Variants in CSMD1 observed in about 807,000 individuals in gnomAD.
CSMD1 encodes CUB and sushi domain-containing protein 1.
CSMD1 carries 213 observed loss-of-function variants against 417.5 expected under a neutral mutation model. The observed-to-expected ratio is 0.51, with a 90% confidence interval of 0.46 to 0.57. The LOEUF is 0.57. Ranked by LOEUF, CSMD1 falls within the 20% of genes least tolerant of loss-of-function variation. The pLI is 0.00. For missense variants in CSMD1, 6,923 were observed against 4,529.7 expected, an observed-to-expected ratio of 1.53 and a Z score of -15.17; for synonymous variants, 2,862 against 1,736.8, an observed-to-expected ratio of 1.65 and a Z score of -16.11.
At chr8:3,680,459 C>T (rs537106958) in intron 7 of CSMD1, among the ~76,000 whole-genome samples, 1 of 152,162 alleles carries the variant, frequency 6.6e-6, no homozygotes, top group South Asian at 2.1e-4. Context: ...AATTCCTTGA[C>T]ACATACACCC....
At chr8:4,236,026 GTTTTTTTTGTTTGTTTTT>G (rs1802027001) in intron 3 of CSMD1, among the ~76,000 whole-genome samples, 1 of 108,086 alleles carries the variant, frequency 9.3e-6, no homozygotes, top group Admixed American at 1.1e-4. Context: ...AATGGATATT[GTTTTTTTTGTTTGTTTTT>G]TTTTTTTTTT....
intron 3 of CSMD1, among the ~76,000 whole-genome samples, chr8:4,225,779 TCAGAG>T (rs1302633956): frequency 2.0e-5 from 3 of 152,176 alleles, no homozygotes; most frequent in African/African-American, 7.2e-5. Flanking sequence ...TCAAATCTAT[TCAGAG>T]TGAAATTAAT....
At chr8:4,189,857 T>G (rs1010258230) in intron 3 of CSMD1, among the ~76,000 whole-genome samples, 1 of 152,302 alleles carries the variant, frequency 6.6e-6, no homozygotes, top group Non-Finnish European at 1.5e-5. Flanking sequence ...ATTAATATTT[T>G]TTGTGGTACG....
At chr8:4,138,935 G>C (rs965695616) in intron 3 of CSMD1, among the ~76,000 whole-genome samples, 1 of 152,040 alleles carries the variant, frequency 6.6e-6, no homozygotes, top group African/African-American at 2.4e-5. Flanking sequence ...TATTTATTTG[G>C]AATATTAACA....
At chr8:3,250,835 G>A (rs1413077535) in intron 26 of CSMD1, among the ~76,000 whole-genome samples, 1 of 152,146 alleles carries the variant, frequency 6.6e-6, no homozygotes, top group East Asian at 1.9e-4. Flanking sequence ...ATTTTTTCAT[G>A]TGTCTGTTGG....
intron 2 of CSMD1, among the ~76,000 whole-genome samples, chr8:4,451,314 C>T (rs959043300): frequency 6.6e-6 from 1 of 152,134 alleles, no homozygotes; most frequent in African/African-American, 2.4e-5. Flanking sequence ...ACCACTGCAC[C>T]ACTCCAGCCT....
chr8:3,500,858 C>T (rs201261012), intron 10 of CSMD1, among the ~76,000 whole-genome samples: 1 of 152,134 alleles, frequency 6.6e-6, no homozygotes, highest in African/African-American at 2.4e-5. Flanking sequence ...TTCTGCAGAT[C>T]TCTCAGGTAT....
At chr8:3,681,619 G>T (rs1263974818) in intron 7 of CSMD1, among the ~76,000 whole-genome samples, 2 of 152,072 alleles carry the variant, frequency 1.3e-5, no homozygotes, top group African/African-American at 4.8e-5. Context: ...ACTGCCCAAG[G>T]TAATTTATAG....
intron 3 of CSMD1, among the ~76,000 whole-genome samples, chr8:4,273,904 C>G (rs1339519560): frequency 4.6e-5 from 7 of 152,178 alleles, no homozygotes; most frequent in African/African-American, 7.2e-5. Context: ...AGTGTTGACT[C>G]TCACCATTAT....
At chr8:4,824,403 G>A (rs576902692) in intron 1 of CSMD1, among the ~76,000 whole-genome samples, 1 of 152,218 alleles carries the variant, frequency 6.6e-6, no homozygotes, top group South Asian at 2.1e-4. Context: ...TTAAGTCCCT[G>A]AGACCTCTAA....
intron 2 of CSMD1, among the ~76,000 whole-genome samples, chr8:4,607,605 C>T (rs114073474): frequency 0.013 from 1,972 of 152,264 alleles, 39 homozygotes; most frequent in African/African-American, 0.045. Context: ...TGTCCGCCAA[C>T]ATCATGAGAG....
chr8:3,692,515 C>G (rs375812257), intron 7 of CSMD1, among the ~76,000 whole-genome samples: 1 of 151,766 alleles, frequency 6.6e-6, no homozygotes, highest in Admixed American at 6.6e-5. Context: ...GATATCGGCT[C>G]ACTACAACCT....
At chr8:4,954,629 C>T (rs1808968375) in intron 1 of CSMD1, among the ~76,000 whole-genome samples, 1 of 152,034 alleles carries the variant, frequency 6.6e-6, no homozygotes, top group Non-Finnish European at 1.5e-5. Flanking sequence ...AAATAAAATC[C>T]TACCAAAAGC....
At chr8:3,168,429 T>G (rs1202465654) in intron 37 of CSMD1, among the ~76,000 whole-genome samples, 1 of 152,184 alleles carries the variant, frequency 6.6e-6, no homozygotes, top group Non-Finnish European at 1.5e-5. Context: ...TTGTTAACTC[T>G]TAATTCGAAA....
intron 40 of CSMD1, among the ~76,000 whole-genome samples, chr8:3,148,690 C>T (rs533546352): frequency 2.2e-4 from 34 of 152,200 alleles, no homozygotes; most frequent in Non-Finnish European, 4.4e-4. Flanking sequence ...AAAATTTTCT[C>T]AGATTCTGCA....
chr8:3,301,005 A>AT (rs1804358372), intron 25 of CSMD1, among the ~76,000 whole-genome samples: 1 of 150,894 alleles, frequency 6.6e-6, no homozygotes, highest in South Asian at 2.1e-4. Context: ...TAGAAATGGT[A>AT]TAAACAAGCA....
chr8:4,938,178 A>C (rs1490175170), intron 1 of CSMD1, among the ~76,000 whole-genome samples: 1 of 152,192 alleles, frequency 6.6e-6, no homozygotes, highest in East Asian at 1.9e-4. Flanking sequence ...GAAATATAGA[A>C]ATAGTCAGAA....
chr8:3,824,419 T>C (rs926437828), intron 5 of CSMD1, among the ~76,000 whole-genome samples: 15 of 152,160 alleles, frequency 9.9e-5, no homozygotes, highest in South Asian at 2.1e-4. Context: ...GAAAGATGAA[T>C]AGACATTACA....
intron 5 of CSMD1, among the ~76,000 whole-genome samples, chr8:3,809,863 C>T (rs928671528): frequency 2.0e-5 from 3 of 152,146 alleles, no homozygotes; most frequent in Admixed American, 6.6e-5. Flanking sequence ...CTGGTGAGAA[C>T]GTCAATATCA....
Sources: gnomAD v4.1 joint callset for allele counts (sites outside exome capture counted in the v4.1 genomes callset) on GRCh38, gnomAD v4.1.1 for gene constraint, MANE v1.5 for transcripts, NCBI Gene and HGNC (gene_info 2026-07-23, HGNC 2026-07-21) for gene names.